Variants in EPHA6 observed in about 807,000 individuals in gnomAD.
EPHA6 encodes the protein EPH receptor A6.
A neutral mutation model predicts 112.0 loss-of-function variants in EPHA6; 50 were observed. The observed-to-expected ratio is 0.45, with a 90% CI of 0.36 to 0.56. The LOEUF is 0.56. EPHA6 is among the 20% of genes least tolerant of loss of function. The pLI is 0.00. For missense variants in EPHA6, 1,280 were observed against 1,417.4 expected (o/e 0.90, Z 1.56); for synonymous variants, 529 against 490.7 (o/e 1.08, Z -1.03).
intron 3 of EPHA6, among the ~76,000 whole-genome samples, chr3:97,006,285 C>T (rs1430758500): frequency 2.0e-5 from 3 of 152,118 alleles, no homozygotes; most frequent in Non-Finnish European, 2.9e-5. Context: ...ATTACTGCCT[C>T]AATTTAAGAG....
rs139029715 is a variant in EPHA6, at chr3:97,094,909, C to T, written c.1114+106916C>T. On this transcript the variant is annotated intron_variant, in intron 3 of 17. Coordinates refer to ENST00000389672, the MANE Select transcript of EPHA6 (RefSeq NM_001080448.3). ...GTGTAAAGGACTTTGGGTAAGGAAA[C>T]CGGATTTCAGGGTCTGACTTGCCTA... is the stretch of plus-strand genomic sequence containing the variant. Among the ~76,000 whole-genome samples, 14 of 152,004 alleles carry T rather than the reference C, an allele frequency of 9.2e-5. No homozygotes were observed. In the East Asian group the frequency reaches 2.7e-3, roughly 29 times the overall value.
intron 7 of EPHA6, among the ~76,000 whole-genome samples, chr3:97,469,884 C>T (rs1439680917): frequency 6.6e-6 from 1 of 151,662 alleles, no homozygotes; most frequent in Non-Finnish European, 1.5e-5. Context: ...TCCTGTGGGG[C>T]TGAAGCCTCA....
chr3:96,949,304 G>T (rs1180984780), intron 2 of EPHA6, among the ~76,000 whole-genome samples: 1 of 151,980 alleles, frequency 6.6e-6, no homozygotes, highest in Non-Finnish European at 1.5e-5. Context: ...GTAGCAAAAG[G>T]TGTGCAGCAT....
At chr3:97,303,509 G>A (rs1376964754) in intron 5 of EPHA6, among the ~76,000 whole-genome samples, 1 of 152,048 alleles carries the variant, frequency 6.6e-6, no homozygotes, top group Admixed American at 6.6e-5. Flanking sequence ...TATGGAGGTT[G>A]AGAAGTCCCA....
intron 3 of EPHA6, among the ~76,000 whole-genome samples, chr3:97,063,232 T>G (rs1297877680): frequency 6.6e-6 from 1 of 152,156 alleles, no homozygotes; most frequent in African/African-American, 2.4e-5. Flanking sequence ...ATCTTTCTAT[T>G]ATAAAGATGC....
intron 15 of EPHA6, among the ~76,000 whole-genome samples, chr3:97,721,553 A>T (rs1011981466): frequency 6.6e-5 from 10 of 152,172 alleles, no homozygotes; most frequent in African/African-American, 2.4e-4. Flanking sequence ...TTGAGGCCAA[A>T]CACACTGCTC....
intron 13 of EPHA6, among the ~76,000 whole-genome samples, chr3:97,620,456 A>T (rs1009805380): frequency 1.3e-5 from 2 of 152,142 alleles, no homozygotes; most frequent in African/African-American, 4.8e-5. Flanking sequence ...ATAGCAAAAG[A>T]AACTATTATC....
intron 3 of EPHA6, among the ~76,000 whole-genome samples, chr3:97,155,606 C>T (rs1196000931): frequency 6.6e-6 from 1 of 152,104 alleles, no homozygotes; most frequent in South Asian, 2.1e-4. Context: ...AAGGCTGAAA[C>T]TTAAGTGTCA....
intron 5 of EPHA6, among the ~76,000 whole-genome samples, chr3:97,265,041 G>A (rs2079627971): frequency 6.6e-6 from 1 of 152,166 alleles, no homozygotes; most frequent in South Asian, 2.1e-4. Context: ...CAATTGTTAA[G>A]CTATCAGCAG....
chr3:97,357,392 G>A (rs1051209130), intron 5 of EPHA6, among the ~76,000 whole-genome samples: 1 of 152,046 alleles, frequency 6.6e-6, no homozygotes. Context: ...TAGTAGAACC[G>A]GGTTTCACCA....
intron 4 of EPHA6, 29 bp downstream of exon 4, chr3:97,226,448 T>C: frequency 6.3e-7 from 1 of 1,576,432 alleles, no homozygotes; most frequent in Non-Finnish European, 8.6e-7. Context: ...GATTTGGAAA[T>C]TCTGTTTCCA....
intron 2 of EPHA6, among the ~76,000 whole-genome samples, chr3:96,932,868 T>C (rs2040394240): frequency 6.6e-6 from 1 of 152,232 alleles, no homozygotes; most frequent in South Asian, 2.1e-4. Context: ...TAATAAAACA[T>C]GCAAAACGAT....
At chr3:97,398,731 A>G (rs1158461828) in intron 5 of EPHA6, among the ~76,000 whole-genome samples, 1 of 151,526 alleles carries the variant, frequency 6.6e-6, no homozygotes, top group Non-Finnish European at 1.5e-5. Flanking sequence ...AATAGTGAGA[A>G]TGAATTTACT....
At chr3:96,924,530 T>G (rs1055898588) in intron 2 of EPHA6, among the ~76,000 whole-genome samples, 6 of 152,176 alleles carry the variant, frequency 3.9e-5, no homozygotes, top group African/African-American at 1.2e-4. Context: ...CTTATCAGCT[T>G]AAGAAGCTTT....
chr3:97,616,115 G>T (rs1279608365), intron 13 of EPHA6, among the ~76,000 whole-genome samples: 1 of 152,180 alleles, frequency 6.6e-6, no homozygotes, highest in African/African-American at 2.4e-5. Flanking sequence ...AGCTCACAGA[G>T]GAAGGGCCAT....
chr3:97,064,138 C>T (rs562770258), intron 3 of EPHA6, among the ~76,000 whole-genome samples: 11 of 152,258 alleles, frequency 7.2e-5, no homozygotes, highest in African/African-American at 2.6e-4. Context: ...ACTCAGACTG[C>T]ACAGCTAAAT....
rs188976630 is a variant in EPHA6 at position 96,875,878 on chromosome 3, C to G, written c.450+8989C>G. On this transcript the variant is annotated intron_variant, in intron 2 of 17. Transcript: ENST00000389672. ...TCTTTATTTTTTTCATTGTTACTTACAAACCTTTAACTTCAGTCTTTACTT... is the reference window on the plus strand; with the variant it reads ...TCTTTATTTTTTTCATTGTTACTTAGAAACCTTTAACTTCAGTCTTTACTT... Among the ~76,000 whole-genome samples, 330 of 151,344 alleles carry G rather than the reference C, an allele frequency of 2.2e-3. 1 individual carries two copies. In the Middle Eastern group the frequency reaches 0.031, roughly 14 times the overall value.
rs568822527 is a variant in EPHA6 at position 97,655,560 on chromosome 3, C to G, written c.2784+17478C>G. Among the ~76,000 whole-genome samples the G allele has an allele frequency of 1.3e-4, 20 of 152,016 alleles. No individual in the cohort carries two copies. The East Asian group carries it at 3.7e-3, about 28-fold the overall frequency. ...CATTTGGGTTGCTTCCAAGTCTTTG[C>G]TATTGTGAATAGTGCCGCAATAAAC... On this transcript the variant is annotated intron_variant, in intron 14 of 17. Coordinates refer to ENST00000389672, the MANE Select transcript of EPHA6 (RefSeq NM_001080448.3).
At position 97,048,857 on chromosome 3, in the gene EPHA6, G is replaced by C. The variant is rs1199063769; in HGVS notation, c.1114+60864G>C. Reference sequence around the variant, plus strand: ...AAAAACAAATGCTGCAGAAAAACGTGAAGCAATGAAGAGAGAATAGGAAGT... The same window carrying C: ...AAAAACAAATGCTGCAGAAAAACGTCAAGCAATGAAGAGAGAATAGGAAGT... On this transcript the variant is annotated intron_variant, in intron 3 of 17. Transcript: ENST00000389672. 4.0e-4 allele frequency among the ~76,000 whole-genome samples: 61 copies of C among 152,280 alleles called. 1 individual carries two copies. Among genetic ancestry groups the C allele is most frequent in the Non-Finnish European group, 7.4e-5 (5 of 68,022 alleles).
Sources: allele counts gnomAD v4.1 joint callset (sites outside exome capture counted in the v4.1 genomes callset), GRCh38; gene constraint gnomAD v4.1.1; transcripts MANE v1.5; gene names NCBI Gene and HGNC (gene_info 2026-07-23, HGNC 2026-07-21).